Variants in ABL1 observed in about 807,000 individuals in gnomAD.
The protein encoded by ABL1 is ABL proto-oncogene 1, non-receptor tyrosine kinase, also known as tyrosine-protein kinase ABL1.
Under a neutral mutation model 94.7 loss-of-function variants are expected in ABL1, and 11 were observed. That is an observed-to-expected ratio of 0.12 (90% CI 0.07 to 0.19). The LOEUF (loss-of-function observed/expected upper bound fraction) is 0.19. ABL1 is among the 10% of genes least tolerant of loss of function. The pLI is 1.00. For missense variants in ABL1, 1,082 were observed against 1,489.4 expected, an observed-to-expected ratio of 0.73 and a Z score of 4.50; for synonymous variants, 656 against 622.4, an observed-to-expected ratio of 1.05 and a Z score of -0.80.
intron 1 of ABL1, among the ~76,000 whole-genome samples, chr9:130,771,421 G>A (rs1228520689): frequency 6.6e-6 from 1 of 152,032 alleles, no homozygotes; most frequent in Non-Finnish European, 1.5e-5. Flanking sequence ...CATTTTATTA[G>A]CTTGATAACT....
At chr9:130,873,493 T>C (rs1012530867) in intron 6 of ABL1, among the ~76,000 whole-genome samples, 1 of 152,220 alleles carries the variant, frequency 6.6e-6, no homozygotes, top group Non-Finnish European at 1.5e-5. Flanking sequence ...ATGGCTTTTG[T>C]TTTTTAGTGT....
At chr9:130,761,553 A>G (rs901277905) in intron 1 of ABL1, among the ~76,000 whole-genome samples, 1 of 152,234 alleles carries the variant, frequency 6.6e-6, no homozygotes, top group Non-Finnish European at 1.5e-5. Flanking sequence ...TTTTTTCAAA[A>G]GTCATTATTA....
chr9:130,764,801 C>T (rs1486243705), intron 1 of ABL1, among the ~76,000 whole-genome samples: 10 of 151,942 alleles, frequency 6.6e-5, no homozygotes, highest in Admixed American at 6.6e-4. Flanking sequence ...ACTAAAAATA[C>T]AAAAATTAGC....
chr9:130,714,258 C>T, exon 1 of ABL1: 8 of 1,499,250 alleles, frequency 5.3e-6, no homozygotes, highest in Admixed American at 2.3e-5. Flanking sequence ...TCCCTCTACG[C>T]TCGCTGACCG....
chr9:130,878,700 T>C, intron 8 of ABL1, 133 bp downstream of exon 8: 1 of 1,095,528 alleles, frequency 9.1e-7, no homozygotes, highest in Non-Finnish European at 1.3e-6. Flanking sequence ...ATGCAGCTAA[T>C]GTAGCCATTT....
Position 130,865,549 on chromosome 9 carries a change from C to T in ABL1, c.822+2514C>T, listed in dbSNP as rs191093840. ...ATTGCTTGAGCCCAGGAGTTAAAGA[C>T]CAGCCTGGGCAACATGGCAAAACTC... is the stretch of plus-strand genomic sequence containing the variant. On this transcript the variant is annotated intron_variant, in intron 4 of 10. Transcript: ENST00000318560. 2.6e-3 allele frequency among the ~76,000 whole-genome samples: 394 copies of T among 152,198 alleles called. 1 individual carries two copies. Among genetic ancestry groups the T allele is most frequent in the Non-Finnish European group, 3.4e-3 (228 of 68,002 alleles).
chr9:130,717,623 A>T (rs536054035), intron 1 of ABL1, among the ~76,000 whole-genome samples: 29 of 151,684 alleles, frequency 1.9e-4, no homozygotes, highest in Non-Finnish European at 3.4e-4. Flanking sequence ...CTGCATTCCA[A>T]TTTGGGCAAT....
At position 130,880,364 on chromosome 9, in the gene ABL1, C is replaced by CGGTATCCA; in HGVS notation, c.1514-135_1514-128dup. 1 of 1,151,844 alleles carries CGGTATCCA rather than the reference C, an allele frequency of 8.7e-7. No homozygotes were observed. Among genetic ancestry groups the CGGTATCCA allele is most frequent in the Non-Finnish European group, 1.2e-6 (1 of 808,942 alleles). 71.4% of individuals were successfully genotyped at this position (1,151,844 alleles called of 1,614,324 possible). A position where few individuals can be genotyped will look rare whatever the true frequency, so the allele number is the denominator to read the frequency against. On this transcript the variant is annotated intron_variant, in intron 9 of 10. Transcript: ENST00000318560. This position sits in a 1 kb window ranked among gnomAD's most constrained non-coding sequence, Gnocchi z 4.4. ...TAAGAAATGCTAAGGGCTGTTTCTC[C>CGGTATCCA]GGTATCCACGTGCCTTTTCTTTAGT...
intron 4 of ABL1, among the ~76,000 whole-genome samples, chr9:130,869,666 C>T (rs559104467): frequency 6.6e-6 from 1 of 152,290 alleles, no homozygotes; most frequent in East Asian, 1.9e-4. Flanking sequence ...TTTCCTTCAC[C>T]TCATTCATCT....
At chr9:130,733,343 C>T (rs1831690192) in intron 1 of ABL1, among the ~76,000 whole-genome samples, 1 of 152,104 alleles carries the variant, frequency 6.6e-6, no homozygotes, top group Non-Finnish European at 1.5e-5. Context: ...CTTTCTATTT[C>T]TTCAGTATCA....
intron 3 of ABL1, among the ~76,000 whole-genome samples, chr9:130,858,476 C>A (rs915084162): frequency 3.9e-5 from 6 of 152,248 alleles, no homozygotes; most frequent in East Asian, 1.9e-4. Context: ...ACTCTCCCAT[C>A]AGCCGTTTGG....
intron 1 of ABL1, among the ~76,000 whole-genome samples, chr9:130,750,188 AATACATATATAT>A (rs1831937703): frequency 1.2e-5 from 1 of 81,852 alleles, no homozygotes; most frequent in African/African-American, 6.4e-5. Context: ...AGAAAAAAAA[AATACATATATAT>A]ATATATATAT....
At chr9:130,852,212 T>C (rs1455310544) in intron 1 of ABL1, among the ~76,000 whole-genome samples, 1 of 152,164 alleles carries the variant, frequency 6.6e-6, no homozygotes, top group Admixed American at 6.5e-5. Context: ...TTTTTTGAGA[T>C]GGAGTCTCAC....
intron 1 of ABL1, among the ~76,000 whole-genome samples, chr9:130,850,885 G>A (rs565365688): frequency 1.8e-4 from 27 of 152,110 alleles, no homozygotes; most frequent in African/African-American, 6.3e-4. Context: ...AATGGGGGTG[G>A]GGATCACGTT....
chr9:130,741,314 G>A (rs111776883), intron 1 of ABL1, among the ~76,000 whole-genome samples: 12 of 149,950 alleles, frequency 8.0e-5, no homozygotes, highest in African/African-American at 2.9e-4. Flanking sequence ...TAACAGTTAC[G>A]GCACTGATGC....
intron 10 of ABL1, among the ~76,000 whole-genome samples, chr9:130,883,357 C>T (rs909535865): frequency 9.9e-5 from 15 of 152,082 alleles, no homozygotes; most frequent in African/African-American, 3.6e-4. Context: ...ATTAGCCAGG[C>T]GTGGTAGCGG....
At chr9:130,828,154 A>G (rs993922238) in intron 1 of ABL1, among the ~76,000 whole-genome samples, 3 of 151,952 alleles carry the variant, frequency 2.0e-5, no homozygotes, top group Non-Finnish European at 4.4e-5. Context: ...GCAAGATCAC[A>G]GCTCACTGCA....
Position 130,884,543 on chromosome 9 carries a change from A to G in ABL1, c.2253A>G (p.Thr751=), listed in dbSNP as rs555913107. 3 of 1,613,174 alleles carry G rather than the reference A, an allele frequency of 1.9e-6. No homozygotes were observed. The highest frequency in any genetic ancestry group is 2.7e-5 in the African/African-American group (2 of 75,040). ...CGGGAAGACAGTTTGACTCGTCCAC[A>G]TTTGGAGGGCACAAAAGTGAGAAGC... ...QSTGRQFDSS[T]FGGHKSEKPA... Residue 751 remains threonine, a synonymous_variant, in exon 11 of 11, where the codon ACA becomes ACG. Coordinates refer to ENST00000318560, the MANE Select transcript of ABL1 (RefSeq NM_005157.6). The surrounding 1 kb of genome is among the most constrained non-coding windows in gnomAD (Gnocchi z 5.6).
chr9:130,761,260 C>G (rs1832111282), intron 1 of ABL1, among the ~76,000 whole-genome samples: 1 of 152,204 alleles, frequency 6.6e-6, no homozygotes, highest in African/African-American at 2.4e-5. Context: ...AGCCACTGCG[C>G]CCGGCCTATT....
Sources: gnomAD v4.1 joint callset for allele counts (sites outside exome capture counted in the v4.1 genomes callset) on GRCh38, gnomAD v4.1.1 for gene constraint, Gnocchi (gnomAD v3.1) non-coding constraint, MANE v1.5 for transcripts, NCBI Gene and HGNC (gene_info 2026-07-23, HGNC 2026-07-21) for gene names.